The following GRIA4 variants were observed in gnomAD, a reference collection of about 807,000 sequenced individuals.
GRIA4 encodes the protein glutamate receptor 4.
Under a neutral mutation model 104.0 loss-of-function variants are expected in GRIA4, and 34 were observed. That is an observed-to-expected ratio of 0.33 (90% confidence interval 0.25 to 0.44). The LOEUF (loss-of-function observed/expected upper bound fraction) is 0.44. GRIA4 is among the 20% of genes least tolerant of loss of function. The probability of loss-of-function intolerance (pLI) is 1.00; values close to 1 mark genes in which losing one functional copy is unlikely to be tolerated. For synonymous variants in GRIA4, 386 were observed against 381.9 expected (o/e 1.01, Z -0.13); for missense variants, 750 against 1,096.5 (o/e 0.68, Z 4.46).
At chr11:105,872,193 A>G (rs796552024) in intron 5 of GRIA4, among the ~76,000 whole-genome samples, 39 of 152,282 alleles carry the variant, frequency 2.6e-4, no homozygotes, top group African/African-American at 9.1e-4. Context: ...AATTGGCTGT[A>G]AAACACTTTG....
At chr11:105,649,064 T>C (rs923960213) in intron 3 of GRIA4, among the ~76,000 whole-genome samples, 4 of 152,090 alleles carry the variant, frequency 2.6e-5, no homozygotes, top group African/African-American at 7.2e-5. Flanking sequence ...CAGAAAAACA[T>C]TAAATAAGAC....
chr11:105,924,326 T>C (rs899297725), intron 11 of GRIA4, 73 bp from the exon 12 acceptor site: 89 of 1,138,936 alleles, frequency 7.8e-5, no homozygotes, highest in Non-Finnish European at 1.1e-4. Flanking sequence ...TAGCTTTAAA[T>C]GGATCATTCC....
chr11:105,659,553 A>T (rs768901496), intron 3 of GRIA4, among the ~76,000 whole-genome samples: 17 of 151,802 alleles, frequency 1.1e-4, no homozygotes, highest in Non-Finnish European at 2.2e-4. Flanking sequence ...GCATCACTAA[A>T]CTCATAAATT....
chr11:105,904,115 T>C (rs1946959797), intron 8 of GRIA4, 134 bp downstream of exon 8: 7 of 642,804 alleles, frequency 1.1e-5, no homozygotes, highest in South Asian at 6.4e-5. Flanking sequence ...CCATCATTTT[T>C]GGAACATTTC....
intron 14 of GRIA4, among the ~76,000 whole-genome samples, chr11:105,961,990 A>C (rs2136264557): frequency 6.6e-6 from 1 of 152,358 alleles, no homozygotes; most frequent in Non-Finnish European, 1.5e-5. Flanking sequence ...TCTTGTGGGC[A>C]GACAATGACT....
At chr11:105,752,762 G>C (rs1286866775) in intron 3 of GRIA4, among the ~76,000 whole-genome samples, 3 of 152,074 alleles carry the variant, frequency 2.0e-5, no homozygotes, top group African/African-American at 7.2e-5. Flanking sequence ...TTTTAATTCA[G>C]ACCAGCTTCA....
intron 3 of GRIA4, among the ~76,000 whole-genome samples, chr11:105,634,472 A>AGG (rs1565419807): frequency 2.4e-3 from 112 of 47,566 alleles, no homozygotes; most frequent in East Asian, 0.013. Flanking sequence ...AGAAAGGGAA[A>AGG]GAAAGAAAGA....
chr11:105,690,212 A>C (rs975858666), intron 3 of GRIA4, among the ~76,000 whole-genome samples: 1 of 152,122 alleles, frequency 6.6e-6, no homozygotes, highest in Non-Finnish European at 1.5e-5. Flanking sequence ...GAAAGGGAGA[A>C]TTCCTTGATT....
At chr11:105,875,286 C>CT in intron 5 of GRIA4, among the ~76,000 whole-genome samples, 1 of 152,142 alleles carries the variant, frequency 6.6e-6, no homozygotes, top group Non-Finnish European at 1.5e-5. Flanking sequence ...GGTAGATAAG[C>CT]TTTTTAATGT....
intron 14 of GRIA4, among the ~76,000 whole-genome samples, chr11:105,964,628 C>T (rs1948815834): frequency 6.6e-6 from 1 of 152,058 alleles, no homozygotes; most frequent in Non-Finnish European, 1.5e-5. Flanking sequence ...ACAAACGTTA[C>T]CCAAATTCCC....
chr11:105,797,634 T>C (rs1942537511), intron 4 of GRIA4: 10 of 257,228 alleles, frequency 3.9e-5, no homozygotes, highest in South Asian at 3.6e-4. Context: ...TCTCATAATC[T>C]GGCTAAATGT....
At chr11:105,761,886 A>T (rs1940669575) in intron 4 of GRIA4, among the ~76,000 whole-genome samples, 1 of 152,040 alleles carries the variant, frequency 6.6e-6, no homozygotes, top group Non-Finnish European at 1.5e-5. Flanking sequence ...ATATTGTGTG[A>T]TTATTTAAAA....
intron 9 of GRIA4, among the ~76,000 whole-genome samples, chr11:105,909,206 C>T (rs530289004): frequency 2.6e-5 from 4 of 152,110 alleles, no homozygotes; most frequent in East Asian, 1.9e-4. Flanking sequence ...CTTTCTGACA[C>T]GTTAATGCTT....
At chr11:105,932,195 G>A (rs1947897239) in intron 13 of GRIA4, among the ~76,000 whole-genome samples, 1 of 151,952 alleles carries the variant, frequency 6.6e-6, no homozygotes, top group Non-Finnish European at 1.5e-5. Flanking sequence ...CTGGAGTGCA[G>A]TGGTATGATC....
intron 4 of GRIA4, among the ~76,000 whole-genome samples, chr11:105,827,353 T>A (rs1038831894): frequency 6.6e-6 from 1 of 152,024 alleles, no homozygotes; most frequent in African/African-American, 2.4e-5. Flanking sequence ...TTTTAAATTA[T>A]GTTGCTGATT....
chr11:105,796,191 C>G (rs550264723), intron 4 of GRIA4, among the ~76,000 whole-genome samples: 1 of 152,252 alleles, frequency 6.6e-6, no homozygotes, highest in Non-Finnish European at 1.5e-5. Context: ...TTGATTCCAT[C>G]CAACTTATCC....
intron 5 of GRIA4, among the ~76,000 whole-genome samples, chr11:105,882,680 C>G (rs1180114573): frequency 6.6e-6 from 1 of 152,164 alleles, no homozygotes; most frequent in Admixed American, 6.5e-5. Flanking sequence ...GTATTTTAGT[C>G]ATTTCTGTGT....
chr11:105,885,794 A>G (rs1195320322), intron 5 of GRIA4, among the ~76,000 whole-genome samples: 2 of 152,246 alleles, frequency 1.3e-5, no homozygotes, highest in Admixed American at 6.5e-5. Context: ...TTGAATTTAC[A>G]TCATATACTG....
chr11:105,865,278 A>G (rs368136452), intron 5 of GRIA4, among the ~76,000 whole-genome samples: 1 of 152,334 alleles, frequency 6.6e-6, no homozygotes, highest in East Asian at 1.9e-4. Context: ...TTGAAACCAC[A>G]AAGTTAGATT....
Sources: allele counts gnomAD v4.1 joint callset (sites outside exome capture counted in the v4.1 genomes callset), GRCh38; gene constraint gnomAD v4.1.1; transcripts MANE v1.5; gene names NCBI Gene and HGNC (gene_info 2026-07-23, HGNC 2026-07-21).